RBFOX1: variants seen among roughly 807,000 people sequenced by gnomAD.
The protein encoded by RBFOX1 is RNA binding protein fox-1 homolog 1.
Under a neutral mutation model 57.7 loss-of-function variants are expected in RBFOX1, and 8 were observed. The observed-to-expected ratio is 0.14, with a 90% confidence interval of 0.08 to 0.25. The LOEUF (loss-of-function observed/expected upper bound fraction) is 0.25. Among genes scored for constraint, RBFOX1 ranks in the 10% least tolerant of loss-of-function variants. The probability of loss-of-function intolerance (pLI) is 1.00; values close to 1 mark genes in which losing one functional copy is unlikely to be tolerated. For missense variants in RBFOX1, 611 were observed against 548.5 expected (o/e 1.11, Z -1.14); for synonymous variants, 326 against 222.4 (o/e 1.47, Z -4.15).
intron 2 of RBFOX1, among the ~76,000 whole-genome samples, chr16:6,399,353 T>C (rs57768502): frequency 0.36 from 54,349 of 152,016 alleles, 9,882 homozygotes; most frequent in East Asian, 0.55. Flanking sequence ...TTGTTACTTA[T>C]GCGGATTTCT....
At chr16:5,378,093 A>G (rs1378854471) in intron 1 of RBFOX1, among the ~76,000 whole-genome samples, 1 of 151,558 alleles carries the variant, frequency 6.6e-6, no homozygotes, top group Non-Finnish European at 1.5e-5. Context: ...AATTTGAGGG[A>G]AAGAGGAGTG....
At chr16:6,196,204 C>T (rs2097178836) in intron 1 of RBFOX1, among the ~76,000 whole-genome samples, 1 of 152,130 alleles carries the variant, frequency 6.6e-6, no homozygotes, top group Non-Finnish European at 1.5e-5. Flanking sequence ...GTTAATTCAG[C>T]CATTTAAGGT....
chr16:5,353,743 C>T (rs1265803920), intron 1 of RBFOX1, among the ~76,000 whole-genome samples: 2 of 87,932 alleles, frequency 2.3e-5, no homozygotes, highest in South Asian at 8.2e-4. Context: ...AAAAAAACCT[C>T]GCCATGCCCT....
At chr16:5,259,247 A>T (rs968843965) in intron 1 of RBFOX1, among the ~76,000 whole-genome samples, 5 of 151,662 alleles carry the variant, frequency 3.3e-5, no homozygotes, top group Non-Finnish European at 7.4e-5. Context: ...GGAACATCAG[A>T]ATTATGTGTG....
At chr16:6,002,828 G>A (rs572819747) in intron 4 of RBFOX1, among the ~76,000 whole-genome samples, 13 of 152,334 alleles carry the variant, frequency 8.5e-5, no homozygotes, top group Admixed American at 3.3e-4. Context: ...TGGGAAGAGC[G>A]TGGTTTGTGG....
At chr16:6,640,454 C>T (rs1049691132) in intron 2 of RBFOX1, among the ~76,000 whole-genome samples, 6 of 151,842 alleles carry the variant, frequency 4.0e-5, no homozygotes, top group Admixed American at 3.3e-4. Context: ...GCTAAAAATG[C>T]AGAAATTAGC....
chr16:6,935,951 A>G (rs2077295422), intron 3 of RBFOX1, among the ~76,000 whole-genome samples: 1 of 152,146 alleles, frequency 6.6e-6, no homozygotes, highest in South Asian at 2.1e-4. Flanking sequence ...ATGTGTGAAT[A>G]TGTCTGCTTT....
At chr16:7,056,980 G>T (rs147771239) in intron 4 of RBFOX1, among the ~76,000 whole-genome samples, 1 of 150,858 alleles carries the variant, frequency 6.6e-6, no homozygotes, top group East Asian at 2.0e-4. Flanking sequence ...AATAAGAATA[G>T]CTTTCTCATA....
At chr16:7,650,200 G>T (rs1211429238) in intron 11 of RBFOX1, among the ~76,000 whole-genome samples, 1 of 152,146 alleles carries the variant, frequency 6.6e-6, no homozygotes, top group African/African-American at 2.4e-5. Context: ...CCCTTGGCCA[G>T]CCCTAGATTA....
chr16:6,845,692 C>T (rs1401892551), intron 3 of RBFOX1, among the ~76,000 whole-genome samples: 10 of 152,162 alleles, frequency 6.6e-5, no homozygotes, highest in South Asian at 2.1e-4. Context: ...CTCACCAGAA[C>T]GTTCCAGGCC....
At chr16:5,832,452 C>T (rs534655747) in intron 3 of RBFOX1, among the ~76,000 whole-genome samples, 8 of 152,322 alleles carry the variant, frequency 5.3e-5, no homozygotes, top group African/African-American at 1.9e-4. Flanking sequence ...GCCTTAGTTT[C>T]CACAACATAC....
At chr16:7,603,530 G>C (rs918210967) in intron 9 of RBFOX1, among the ~76,000 whole-genome samples, 1 of 152,188 alleles carries the variant, frequency 6.6e-6, no homozygotes, top group African/African-American at 2.4e-5. Context: ...TCTAAGAGGA[G>C]GTGGGAAAGT....
chr16:5,681,331 G>A (rs1319051156), intron 3 of RBFOX1, among the ~76,000 whole-genome samples: 4 of 147,432 alleles, frequency 2.7e-5, no homozygotes, highest in East Asian at 4.0e-4. Context: ...TGATCCACCC[G>A]CCTCGGCCTC....
intron 2 of RBFOX1, among the ~76,000 whole-genome samples, chr16:5,484,773 G>A (rs774991735): frequency 3.3e-5 from 5 of 151,822 alleles, no homozygotes; most frequent in African/African-American, 7.3e-5. Flanking sequence ...TTAGCCAGGC[G>A]TGGTGGCGGG....
intron 4 of RBFOX1, among the ~76,000 whole-genome samples, chr16:5,890,697 G>GAAAAAAAA (rs71404558): frequency 1.6e-5 from 1 of 61,464 alleles, no homozygotes; most frequent in Non-Finnish European, 2.9e-5. Flanking sequence ...AGTCTGTATT[G>GAAAAAAAA]AAAAAAAAAA....
exon 4 of RBFOX1, chr16:5,867,319 C>G: frequency 2.5e-6 from 3 of 1,211,050 alleles, no homozygotes; most frequent in Middle Eastern, 3.2e-4. Context: ...GCAAGTCAGG[C>G]TACAGGCAAA....
rs927394500 is a variant in RBFOX1, at chr16:5,252,172, C to T, written c.219+12067C>T. Among the ~76,000 whole-genome samples, 5 of 152,330 alleles carry T rather than the reference C, an allele frequency of 3.3e-5. No homozygotes were observed. The East Asian group carries it at 9.6e-4, about 29-fold the overall frequency. ...GGAAGTGTGGAAGGGTGGGGACCCT[C>T]ATCACAGCCCTTGACTCTCTAAGGC... On this transcript the variant is annotated intron_variant, in intron 1 of 2. Transcript: ENST00000585867.
intron 2 of RBFOX1, chr16:6,483,962 G>C (rs945128440): frequency 4.0e-5 from 42 of 1,039,456 alleles, no homozygotes; most frequent in Non-Finnish European, 4.8e-5. Context: ...ACTGTGCTCA[G>C]GGCTCGCCCT....
At chr16:7,582,229 G>A (rs1483139308) in intron 6 of RBFOX1, among the ~76,000 whole-genome samples, 4 of 152,070 alleles carry the variant, frequency 2.6e-5, no homozygotes, top group Non-Finnish European at 4.4e-5. Flanking sequence ...ATGTCAATTT[G>A]GCAAGATGAT....
Sources: allele counts gnomAD v4.1 joint callset (sites outside exome capture counted in the v4.1 genomes callset), GRCh38; gene constraint gnomAD v4.1.1; transcripts MANE v1.5; gene names NCBI Gene and HGNC (gene_info 2026-07-23, HGNC 2026-07-21).